The following HS6ST2 variants were observed in gnomAD, a reference collection of about 807,000 sequenced individuals.
HS6ST2 encodes heparan sulfate 6-O-sulfotransferase 2.
HS6ST2 carries 17 observed loss-of-function variants against 33.0 expected under a neutral mutation model. That is an observed-to-expected ratio of 0.52 (90% CI 0.35 to 0.77). HS6ST2 has a LOEUF of 0.77. Among genes scored for constraint, HS6ST2 ranks in the 30% least tolerant of loss-of-function variants. The pLI, the probability that HS6ST2 is intolerant of heterozygous loss-of-function variation, is 0.01. For missense variants in HS6ST2, 519 were observed against 551.7 expected (o/e 0.94, Z 0.59); for synonymous variants, 248 against 237.1 (o/e 1.05, Z -0.42).
chrX:132,893,248 A>T (rs1294087607), intron 2 of HS6ST2, among the ~76,000 whole-genome samples: 1 of 112,180 alleles, frequency 8.9e-6, no homozygotes, highest in East Asian at 2.8e-4. Context: ...ACCTCTGAGG[A>T]TGCCTCCTTA....
intron 2 of HS6ST2, among the ~76,000 whole-genome samples, chrX:132,736,709 G>A (rs749288609): frequency 9.8e-5 from 11 of 111,751 alleles, no homozygotes; most frequent in Admixed American, 4.7e-4. Context: ...TAGTCACACC[G>A]TTGATATTGC....
chrX:132,758,727 T>C (rs768656158), intron 2 of HS6ST2, among the ~76,000 whole-genome samples: 1 of 112,143 alleles, frequency 8.9e-6, no homozygotes, highest in South Asian at 3.8e-4. Flanking sequence ...GCAAACTGGC[T>C]GACCTACAAA....
intron 4 of HS6ST2, among the ~76,000 whole-genome samples, chrX:132,646,835 G>T (rs1246323127): frequency 8.9e-6 from 1 of 112,017 alleles, no homozygotes; most frequent in Non-Finnish European, 1.9e-5. Flanking sequence ...AGGCCTCACA[G>T]TCATGGCGGA....
At chrX:132,648,494 G>C (rs1285865404) in intron 4 of HS6ST2, among the ~76,000 whole-genome samples, 1 of 99,406 alleles carries the variant, frequency 1.0e-5, no homozygotes, top group Non-Finnish European at 2.0e-5. Flanking sequence ...GGAGCCCTAG[G>C]CTTTTGATGT....
chrX:132,795,268 C>T (rs991483775), intron 2 of HS6ST2, among the ~76,000 whole-genome samples: 10 of 111,730 alleles, frequency 9.0e-5, no homozygotes, highest in African/African-American at 2.9e-4. Flanking sequence ...AATAATATGG[C>T]CTTTTGTGTC....
At chrX:132,680,813 T>A (rs1396420111) in intron 3 of HS6ST2, among the ~76,000 whole-genome samples, 1 of 110,294 alleles carries the variant, frequency 9.1e-6, no homozygotes, top group Non-Finnish European at 1.9e-5. Context: ...CTGGCCAACA[T>A]GGTGAAAACC....
At chrX:132,784,896 C>T (rs1417673513) in intron 2 of HS6ST2, among the ~76,000 whole-genome samples, 3 of 111,667 alleles carry the variant, frequency 2.7e-5, no homozygotes, top group Admixed American at 9.5e-5. Flanking sequence ...AGGTGCCAGA[C>T]GTGTCCCTTG....
At chrX:132,882,256 A>G (rs1480737707) in intron 2 of HS6ST2, among the ~76,000 whole-genome samples, 1 of 111,813 alleles carries the variant, frequency 8.9e-6, no homozygotes, top group Non-Finnish European at 1.9e-5. Context: ...CCTATCCATG[A>G]GCATAGAATG....
rs748398625 is a variant in HS6ST2, at chrX:132,958,207, C to T, written c.396G>A (p.Ala132=). 3 of 1,160,345 alleles carry T rather than the reference C, an allele frequency of 2.6e-6. No individual in the cohort carries two copies. The highest frequency in any genetic ancestry group is 3.6e-5 in the African/African-American group (2 of 56,085). ...LGHSLKHVLG[A]IFSKIFGPMA... ...TGGGGCCGAAAATCTTGGAGAAGAT[C>T]GCACCGAGCACGTGCTTCAGCGAGT... Residue 132 remains alanine (A), a synonymous_variant, in exon 1 of 5, where the codon GCG becomes GCA. Coordinates refer to ENST00000370833, the MANE Select transcript of HS6ST2 (RefSeq NM_001394073.1).
intron 2 of HS6ST2, among the ~76,000 whole-genome samples, chrX:132,941,742 G>A (rs934236273): frequency 2.7e-5 from 3 of 111,240 alleles, no homozygotes; most frequent in African/African-American, 6.5e-5. Flanking sequence ...CCCATATGGC[G>A]ATAAATATAA....
intron 2 of HS6ST2, among the ~76,000 whole-genome samples, chrX:132,954,187 C>A (rs1164853135): frequency 8.9e-6 from 1 of 112,010 alleles, no homozygotes; most frequent in East Asian, 2.8e-4. Context: ...TACACAGGAT[C>A]TGGTCGAGGG....
At chrX:132,958,671 C>A (rs1251153001), upstream of HS6ST2, 6 of 980,091 alleles carry the variant, frequency 6.1e-6, no homozygotes, top group African/African-American at 1.2e-4. Context: ...TAATGCCTCA[C>A]GCCTAAGAGC....
At chrX:132,640,074 G>T (rs2063590939) in intron 4 of HS6ST2, among the ~76,000 whole-genome samples, 2 of 111,426 alleles carry the variant, frequency 1.8e-5, no homozygotes, top group Non-Finnish European at 3.8e-5. Flanking sequence ...TTGCAAGACA[G>T]AAGTTTAATC....
At chrX:132,670,595 C>A (rs772346302) in intron 3 of HS6ST2, among the ~76,000 whole-genome samples, 1 of 111,211 alleles carries the variant, frequency 9.0e-6, no homozygotes, top group African/African-American at 3.3e-5. Context: ...GTCAGGAGTT[C>A]GAGACCAGCC....
chrX:132,887,596 TC>T (rs1353382009), intron 2 of HS6ST2, among the ~76,000 whole-genome samples: 3 of 112,324 alleles, frequency 2.7e-5, no homozygotes, highest in Non-Finnish European at 5.6e-5. Context: ...TTTGGCAGTT[TC>T]TTAAAAATTA....
intron 2 of HS6ST2, among the ~76,000 whole-genome samples, chrX:132,844,924 G>A (rs1242308465): frequency 9.1e-6 from 1 of 109,405 alleles, no homozygotes; most frequent in Admixed American, 9.8e-5. Flanking sequence ...GATGAATAAA[G>A]TTTCCAACTT....
intron 2 of HS6ST2, among the ~76,000 whole-genome samples, chrX:132,948,751 T>C (rs2066980207): frequency 8.9e-6 from 1 of 112,515 alleles, no homozygotes; most frequent in Non-Finnish European, 1.9e-5. Flanking sequence ...TTAGAGGACA[T>C]ACGCCATTAA....
intron 4 of HS6ST2, among the ~76,000 whole-genome samples, chrX:132,643,264 A>C (rs756055317): frequency 7.2e-5 from 8 of 110,852 alleles, no homozygotes; most frequent in Non-Finnish European, 1.3e-4. Context: ...TACTTCACTG[A>C]AAGTGGGTGA....
intron 2 of HS6ST2, among the ~76,000 whole-genome samples, chrX:132,939,681 A>G (rs1158521031): frequency 8.9e-6 from 1 of 112,136 alleles, no homozygotes; most frequent in Non-Finnish European, 1.9e-5. Flanking sequence ...TCCAAAAATG[A>G]AAAAAATTCA....
Sources: gnomAD v4.1 joint callset for allele counts (sites outside exome capture counted in the v4.1 genomes callset) on GRCh38, gnomAD v4.1.1 for gene constraint, MANE v1.5 for transcripts, NCBI Gene and HGNC (gene_info 2026-07-23, HGNC 2026-07-21) for gene names.